RAB11FIP3: variants seen among roughly 807,000 people sequenced by gnomAD.
RAB11FIP3 encodes the protein RAB11 family interacting protein 3.
In RAB11FIP3, 17 loss-of-function variants were observed where a neutral mutation model predicts 77.8. The ratio of observed to expected loss-of-function variants is 0.22; its 90% CI spans 0.15 to 0.33. The LOEUF (loss-of-function observed/expected upper bound fraction) is 0.33. RAB11FIP3 is among the 10% of genes least tolerant of loss of function. The pLI, the probability that RAB11FIP3 is intolerant of heterozygous loss-of-function variation, is 1.00. For synonymous variants in RAB11FIP3, 437 were observed against 448.2 expected (o/e 0.98, Z 0.31); for missense variants, 1,005 against 1,011.2 (o/e 0.99, Z 0.08).
At chr16:455,569 G>A (rs928341185) in intron 1 of RAB11FIP3, among the ~76,000 whole-genome samples, 1 of 152,096 alleles carries the variant, frequency 6.6e-6, no homozygotes, top group Non-Finnish European at 1.5e-5. Context: ...TATGACTGGA[G>A]CAGGTGCTCC....
At chr16:459,336 G>A (rs1316863741) in intron 1 of RAB11FIP3, among the ~76,000 whole-genome samples, 1 of 151,752 alleles carries the variant, frequency 6.6e-6, no homozygotes, top group Non-Finnish European at 1.5e-5. Flanking sequence ...ACGTTGGTGA[G>A]GCTGGTCTCG....
rs2032335678 is a variant in RAB11FIP3, at chr16:514,965, T to C, written c.1641-3978T>C. On this transcript the variant is annotated intron_variant, in intron 9 of 13. Coordinates refer to ENST00000262305, the MANE Select transcript of RAB11FIP3 (RefSeq NM_014700.4). This position sits in a 1 kb window ranked among gnomAD's most constrained non-coding sequence, Gnocchi z 4.6. ...AAGGAAGCCCAGGGAAGCCTTCGCT[T>C]GTGCCACGTAGCATAGCTCGTCCTT... is the stretch of plus-strand genomic sequence containing the variant. Among the ~76,000 whole-genome samples the C allele has an allele frequency of 6.6e-6, 1 of 152,194 alleles. No homozygotes were observed. The highest frequency in any genetic ancestry group is 2.4e-5 in the African/African-American group (1 of 41,456).
In RAB11FIP3 at chr16:430,717, G is replaced by C. The variant is rs964292599; in HGVS notation, c.714+3997G>C. ...CTATAGGCAGGCATGACCATGCTCC[G>C]CTAATTTAAAAAAATTGGCTGGGTG... On this transcript the variant is annotated intron_variant, in intron 1 of 13. Transcript: ENST00000262305. 2.6e-5 allele frequency among the ~76,000 whole-genome samples: 4 copies of C among 151,890 alleles called. 1 individual carries two copies. In the South Asian group the frequency reaches 8.3e-4, roughly 32 times the overall value.
intron 7 of RAB11FIP3, 51 bp downstream of exon 7, chr16:503,148 C>T: frequency 6.8e-7 from 1 of 1,473,492 alleles, no homozygotes; most frequent in Non-Finnish European, 9.4e-7. Context: ...TAGAACACAG[C>T]CACGCCTAAG....
chr16:471,369 G>T lies in RAB11FIP3; in HGVS notation c.883G>T (p.Asp295Tyr), dbSNP rs576385257. The change falls in exon 3 of 14, where the codon GAT (aspartate) becomes TAT (tyrosine). Residue 295 changes from aspartate to tyrosine, a missense_variant. By Grantham distance (160) the Asp-to-Tyr change is radical (BLOSUM62 -3). Around this residue, in one of 4 missense-constraint regions of RAB11FIP3, gnomAD observed 466 missense variants for 408.3 expected, o/e 1.14. Coordinates refer to ENST00000262305, the MANE Select transcript of RAB11FIP3 (RefSeq NM_014700.4). The surrounding 1 kb of genome is among the most constrained non-coding windows in gnomAD (Gnocchi z 4.4). ...GCCCCTGGCCTGCCCGGACGAGTTC[G>T]ATGACTTCGTCACCTATGAGGCAAG... is the stretch of plus-strand genomic sequence containing the variant. ...EEPLACPDEF[D>Y]DFVTYEANEV... is the part of the protein sequence containing the mutation. 5 of 1,612,812 alleles carry T rather than the reference G, an allele frequency of 3.1e-6. No homozygotes were observed. The Admixed American group carries it at 8.3e-5, about 27-fold the overall frequency.
chr16:446,277 C>T (rs1286451992), intron 1 of RAB11FIP3, among the ~76,000 whole-genome samples: 1 of 152,132 alleles, frequency 6.6e-6, no homozygotes, highest in Non-Finnish European at 1.5e-5. Context: ...AAATAAAGAT[C>T]ACCCTGGCCT....
chr16:497,530 C>T (rs11866247), intron 6 of RAB11FIP3: 49,106 of 1,118,350 alleles, frequency 0.044, 1,867 homozygotes, highest in East Asian at 0.32. Flanking sequence ...GGCTGGGAGA[C>T]GCCTCTCCAG....
intron 3 of RAB11FIP3, among the ~76,000 whole-genome samples, chr16:475,591 C>A (rs556107297): frequency 6.6e-6 from 1 of 152,130 alleles, no homozygotes; most frequent in African/African-American, 2.4e-5. Flanking sequence ...GAAACCAACC[C>A]GCAGGGCTGA....
intron 2 of RAB11FIP3, among the ~76,000 whole-genome samples, chr16:462,733 A>T (rs1457765177): frequency 9.1e-6 from 1 of 109,334 alleles, no homozygotes; most frequent in African/African-American, 3.7e-5. Flanking sequence ...CTTCCCCAGC[A>T]CCATCCCTTC....
intron 1 of RAB11FIP3, among the ~76,000 whole-genome samples, chr16:448,177 C>T (rs554138339): frequency 7.4e-4 from 112 of 150,702 alleles, no homozygotes; most frequent in Admixed American, 1.3e-3. Flanking sequence ...ATTAGCCGAG[C>T]GTGGTGGCGC....
intron 9 of RAB11FIP3, among the ~76,000 whole-genome samples, chr16:518,702 G>A (rs981630866): frequency 6.8e-6 from 1 of 147,044 alleles, no homozygotes; most frequent in African/African-American, 2.7e-5. Context: ...CTCCAGCCTG[G>A]TGACAGAGTG....
intron 5 of RAB11FIP3, among the ~76,000 whole-genome samples, chr16:496,178 G>A (rs1000970310): frequency 3.3e-5 from 5 of 152,194 alleles, no homozygotes; most frequent in Non-Finnish European, 7.3e-5. Flanking sequence ...AGGGGTGAGG[G>A]TGTCTTCCTG....
At chr16:497,306 G>A (rs1307342660) in intron 6 of RAB11FIP3, 3 of 1,304,156 alleles carry the variant, frequency 2.3e-6, no homozygotes, top group East Asian at 5.5e-5. Context: ...GTATAGATCT[G>A]TTGGCTTCCT....
intron 9 of RAB11FIP3, 31 bp from the exon 10 acceptor site, chr16:518,912 A>G: frequency 6.2e-7 from 1 of 1,611,134 alleles, no homozygotes; most frequent in Non-Finnish European, 8.5e-7. Flanking sequence ...AGCTTCCTGG[A>G]GTGAGTTTCA....
At chr16:463,638 G>A (rs750934664) in intron 2 of RAB11FIP3, among the ~76,000 whole-genome samples, 13 of 151,908 alleles carry the variant, frequency 8.6e-5, no homozygotes, top group African/African-American at 1.5e-4. Flanking sequence ...GGGTTTCTCC[G>A]TTTTGGCCAG....
chr16:433,107 C>T (rs569709796), intron 1 of RAB11FIP3, among the ~76,000 whole-genome samples: 20 of 76,306 alleles, frequency 2.6e-4, no homozygotes, highest in Middle Eastern at 6.5e-3. Flanking sequence ...GATCTCAGCT[C>T]GCTGCAAGCT....
rs2031833989 is a variant in RAB11FIP3 at position 505,659 on chromosome 16, C to T, written c.1499+32C>T. The T allele has an allele frequency of 7.2e-6, 11 of 1,520,442 alleles. No homozygotes were observed. The highest frequency in any genetic ancestry group is 2.3e-5 in the South Asian group (2 of 85,616). 94.2% of individuals were successfully genotyped at this position (1,520,442 alleles called of 1,614,324 possible). ...CTGGGCCAGGAGACCCGGGCCTCTG[C>T]GTGGCGCCTCCTGTGCCCGCCTGTC... is the stretch of plus-strand genomic sequence containing the variant. On this transcript the variant is annotated intron_variant, in intron 8 of 13. Coordinates refer to ENST00000262305, the MANE Select transcript of RAB11FIP3 (RefSeq NM_014700.4). The surrounding 1 kb of genome is among the most constrained non-coding windows in gnomAD (Gnocchi z 4.0).
Position 492,622 on chromosome 16 carries a change from C to G in RAB11FIP3, c.1265+3622C>G, listed in dbSNP as rs545609956. Among the ~76,000 whole-genome samples the G allele has an allele frequency of 8.3e-4, 126 of 151,784 alleles. 1 individual carries two copies. The highest frequency in any genetic ancestry group is 3.7e-3 in the South Asian group (18 of 4,826). ...CTGCGTGTGTGTTCAGCTAGGGGTT[C>G]AAGGCCCGGCGACGATGGCTCAGCC... On this transcript the variant is annotated intron_variant, in intron 5 of 13. Coordinates refer to ENST00000262305, the MANE Select transcript of RAB11FIP3 (RefSeq NM_014700.4).
At chr16:462,604 C>A (rs967512479) in intron 2 of RAB11FIP3, among the ~76,000 whole-genome samples, 4 of 149,806 alleles carry the variant, frequency 2.7e-5, no homozygotes, top group Non-Finnish European at 6.0e-5. Flanking sequence ...ACGATCCCTT[C>A]CCCAGCACGA....
Sources: gnomAD v4.1 joint callset for allele counts (sites outside exome capture counted in the v4.1 genomes callset) on GRCh38, gnomAD v4.1.1 for gene constraint, gnomAD v4.1.1 regional missense constraint, Gnocchi (gnomAD v3.1) non-coding constraint, MANE v1.5 for transcripts, NCBI Gene and HGNC (gene_info 2026-07-23, HGNC 2026-07-21) for gene names.